PIK3C2G: variants seen among roughly 807,000 people sequenced by gnomAD.
PIK3C2G encodes phosphatidylinositol 3-kinase C2 domain-containing subunit gamma.
A neutral mutation model predicts 181.1 loss-of-function variants in PIK3C2G; 168 were observed. That is an observed-to-expected ratio of 0.93 (90% CI 0.82 to 1.05). PIK3C2G has a LOEUF of 1.05. Among genes scored for constraint, PIK3C2G ranks in the 50% least tolerant of loss-of-function variants. PIK3C2G has a pLI of 0.00. For synonymous variants in PIK3C2G, 573 were observed against 592.2 expected, an observed-to-expected ratio of 0.97 and a Z score of 0.47; for missense variants, 1,869 against 1,732.8, an observed-to-expected ratio of 1.08 and a Z score of -1.40.
intron 8 of PIK3C2G, among the ~76,000 whole-genome samples, chr12:18,336,180 C>G (rs1355660631): frequency 2.0e-5 from 3 of 152,044 alleles, no homozygotes; most frequent in Non-Finnish European, 4.4e-5. Flanking sequence ...TCATTATCTG[C>G]CAGGCACCAT....
intron 30 of PIK3C2G, among the ~76,000 whole-genome samples, chr12:18,595,741 G>C (rs2136501412): frequency 6.6e-6 from 1 of 152,174 alleles, no homozygotes; most frequent in East Asian, 1.9e-4. Context: ...TCTTGCACTT[G>C]ATTTAATACT....
the PIK3C2G span, among the ~76,000 whole-genome samples, chr12:18,653,730 GAC>G: frequency 6.6e-6 from 1 of 152,132 alleles, no homozygotes; most frequent in Non-Finnish European, 1.5e-5. Context: ...TTAAAGGAAA[GAC>G]ACTCATTATT....
chr12:18,558,188 C>A (rs1283565108), intron 26 of PIK3C2G, among the ~76,000 whole-genome samples: 1 of 151,900 alleles, frequency 6.6e-6, no homozygotes, highest in Non-Finnish European at 1.5e-5. Context: ...ACGAGGAGGC[C>A]AGAAACAGTC....
intron 6 of PIK3C2G, among the ~76,000 whole-genome samples, chr12:18,315,212 G>A (rs1950808998): frequency 6.6e-6 from 1 of 151,996 alleles, no homozygotes. Context: ...ATATCAATGT[G>A]GAACATAACA....
chr12:18,316,812 G>T (rs901873662), intron 6 of PIK3C2G, among the ~76,000 whole-genome samples: 5 of 151,962 alleles, frequency 3.3e-5, no homozygotes, highest in African/African-American at 1.2e-4. Flanking sequence ...CTCCATTTAT[G>T]CAATAAGTAT....
intron 11 of PIK3C2G, among the ~76,000 whole-genome samples, chr12:18,347,920 G>A (rs932329960): frequency 2.0e-5 from 3 of 150,954 alleles, no homozygotes; most frequent in African/African-American, 7.3e-5. Context: ...TTTTACCTAT[G>A]TATATAAAAA....
At chr12:18,392,005 A>T (rs945902401) in intron 15 of PIK3C2G, among the ~76,000 whole-genome samples, 4 of 152,122 alleles carry the variant, frequency 2.6e-5, no homozygotes, top group Admixed American at 2.6e-4. Flanking sequence ...ATCTTGAGTG[A>T]TACCTTTGAC....
intron 7 of PIK3C2G, among the ~76,000 whole-genome samples, chr12:18,322,032 C>A (rs1951134351): frequency 1.3e-5 from 2 of 152,236 alleles, no homozygotes; most frequent in African/African-American, 4.8e-5. Context: ...ACCACCATTG[C>A]GCACGTTTAC....
chr12:18,608,474 G>A (rs1948168153), intron 30 of PIK3C2G, among the ~76,000 whole-genome samples: 1 of 148,680 alleles, frequency 6.7e-6, no homozygotes, highest in Non-Finnish European at 1.5e-5. Context: ...ACCAAACACT[G>A]CATGTTCTCA....
chr12:18,585,419 C>A (rs1416354671), intron 29 of PIK3C2G, among the ~76,000 whole-genome samples: 1 of 151,366 alleles, frequency 6.6e-6, no homozygotes, highest in Admixed American at 6.6e-5. Flanking sequence ...AGACATTAAA[C>A]CAACAAAGAT....
intron 18 of PIK3C2G, among the ~76,000 whole-genome samples, chr12:18,447,649 A>G (rs1592281603): frequency 6.6e-6 from 1 of 152,282 alleles, no homozygotes; most frequent in East Asian, 1.9e-4. Flanking sequence ...TTTCATAACT[A>G]CCTGGATTTG....
At chr12:18,623,670 A>C (rs1592739780) in intron 31 of PIK3C2G, among the ~76,000 whole-genome samples, 1 of 151,836 alleles carries the variant, frequency 6.6e-6, no homozygotes, top group Non-Finnish European at 1.5e-5. Flanking sequence ...CCAATCCATG[A>C]ATACAGGCTA....
intron 1 of PIK3C2G, among the ~76,000 whole-genome samples, chr12:18,263,437 T>C (rs1948338290): frequency 6.6e-6 from 1 of 152,122 alleles, no homozygotes; most frequent in African/African-American, 2.4e-5. Context: ...GTTCATTGAA[T>C]TAAGCTTGTT....
intron 18 of PIK3C2G, among the ~76,000 whole-genome samples, chr12:18,450,602 A>G (rs921107036): frequency 1.3e-5 from 2 of 152,038 alleles, no homozygotes; most frequent in African/African-American, 2.4e-5. Flanking sequence ...CAATTTGTCA[A>G]TGTTGGCTTT....
intron 1 of PIK3C2G, among the ~76,000 whole-genome samples, chr12:18,262,851 C>A (rs996021485): frequency 6.6e-6 from 1 of 152,100 alleles, no homozygotes; most frequent in Non-Finnish European, 1.5e-5. Context: ...ATGAAGTAAT[C>A]ATTTCCAATC....
intron 26 of PIK3C2G, among the ~76,000 whole-genome samples, chr12:18,562,288 C>T (rs1853394618): frequency 1.3e-5 from 2 of 152,098 alleles, no homozygotes; most frequent in African/African-American, 4.8e-5. Flanking sequence ...CCCGCCACCA[C>T]GCCCGGCTAA....
chr12:18,590,855 TC>T (rs1335920722), intron 29 of PIK3C2G, among the ~76,000 whole-genome samples: 1 of 151,948 alleles, frequency 6.6e-6, no homozygotes, highest in Non-Finnish European at 1.5e-5. Context: ...TAGTATTTAG[TC>T]ATCCACACCC....
chr12:18,313,904 A>G (rs1393620472), intron 5 of PIK3C2G, 58 bp from the exon 6 acceptor site: 26 of 890,766 alleles, frequency 2.9e-5, no homozygotes, highest in Non-Finnish European at 3.9e-5. Context: ...AGAGAGGAAA[A>G]CATGTATTTG....
In PIK3C2G at chr12:18,578,483, T is replaced by G. The variant is rs116382167; in HGVS notation, c.4011+11426T>G. Among the ~76,000 whole-genome samples the G allele has an allele frequency of 3.2e-3, 483 of 152,324 alleles. 2 individuals carry two copies. The highest frequency in any genetic ancestry group is 0.011 in the African/African-American group (462 of 41,590). ...TTGCATAATGTAGTCAGATTTTAAC[T>G]ATCTGCAAGTAAGTTAGTCCTCATG... On this transcript the variant is annotated intron_variant, in intron 29 of 32. Coordinates refer to ENST00000538779, the MANE Select transcript of PIK3C2G (RefSeq NM_001288772.2).
Sources: allele counts gnomAD v4.1 joint callset (sites outside exome capture counted in the v4.1 genomes callset), GRCh38; gene constraint gnomAD v4.1.1; transcripts MANE v1.5; gene names NCBI Gene and HGNC (gene_info 2026-07-23, HGNC 2026-07-21).